DENND3: variants seen among roughly 807,000 people sequenced by gnomAD.
DENND3 encodes the protein DENN domain-containing protein 3.
In DENND3, 88 loss-of-function variants were observed where a neutral mutation model predicts 135.1. The ratio of observed to expected loss-of-function variants is 0.65; its 90% CI spans 0.55 to 0.78. The LOEUF (loss-of-function observed/expected upper bound fraction) is 0.78, where lower values mean the gene tolerates loss of function less well. Ranked by LOEUF, DENND3 falls within the 30% of genes least tolerant of loss-of-function variation. The pLI, the probability that DENND3 is intolerant of heterozygous loss-of-function variation, is 0.00. For missense variants in DENND3, 1,392 were observed against 1,688.4 expected, an observed-to-expected ratio of 0.82 and a Z score of 3.08; for synonymous variants, 693 against 712.3, an observed-to-expected ratio of 0.97 and a Z score of 0.43.
At position 141,194,113 on chromosome 8, in the gene DENND3, G is replaced by A. The variant is rs771720958; in HGVS notation, c.3717G>A (p.Val1239=). 1.2e-6 allele frequency: 2 copies of A among 1,614,004 alleles called. No individual in the cohort carries two copies. Among genetic ancestry groups the A allele is most frequent in the South Asian group, 2.2e-5 (2 of 91,004 alleles). The change falls in exon 23 of 23, where the codon GTG becomes GTA. Residue 1239 remains valine, a synonymous_variant. Coordinates refer to ENST00000519811, the MANE Select transcript of DENND3 (RefSeq NM_001352890.3). Reference sequence around the variant, plus strand: ...TGATTGACGCCGAGAGGAAGACCGTGGAGAAGGAGCTGGTGGCGCACATGG... The same window carrying A: ...TGATTGACGCCGAGAGGAAGACCGTAGAGAAGGAGCTGGTGGCGCACATGG... ...IYVIDAERKT[V]EKELVAHMDT... is the part of the protein sequence containing the mutation.
At position 141,137,918 on chromosome 8, in the gene DENND3, C is replaced by A; in HGVS notation, c.386-104C>A. 1 of 1,154,630 alleles carries A rather than the reference C, an allele frequency of 8.7e-7. No individual in the cohort carries two copies. The highest frequency in any genetic ancestry group is 1.2e-6 in the Non-Finnish European group (1 of 810,832). 71.5% of individuals were successfully genotyped at this position (1,154,630 alleles called of 1,614,324 possible). On this transcript the variant is annotated intron_variant, in intron 2 of 22. Transcript: ENST00000519811. This position sits in a 1 kb window ranked among gnomAD's most constrained non-coding sequence, Gnocchi z 4.1. ...CTTGGACATGAAGGCACCACCACTGCTAACTGTGGAGGTGTGTCCTAAACA... is the reference window on the plus strand; with the variant it reads ...CTTGGACATGAAGGCACCACCACTGATAACTGTGGAGGTGTGTCCTAAACA...
In DENND3 at chr8:141,155,902, C is replaced by A; in HGVS notation, c.1128C>A (p.Ser376=). The A allele has an allele frequency of 6.2e-7, 1 of 1,612,864 alleles. No homozygotes were observed. The highest frequency in any genetic ancestry group is 8.5e-7 in the Non-Finnish European group (1 of 1,179,310). ...INIDHGSITY[S]KSTDDNVDIP... ...TTGATCATGGGAGCATCACCTACTC[C>A]AAGTCCACGGACGATAACGTGGACA... The change falls in exon 8 of 23, where the codon TCC becomes TCA. Residue 376 remains serine, a synonymous_variant. Coordinates refer to ENST00000519811, the MANE Select transcript of DENND3 (RefSeq NM_001352890.3).
intron 18 of DENND3, among the ~76,000 whole-genome samples, chr8:141,187,504 G>A (rs539618031): frequency 3.3e-5 from 5 of 152,250 alleles, no homozygotes; most frequent in African/African-American, 1.2e-4. Flanking sequence ...GGGATTACAG[G>A]TGTGAGCCAC....
rs1232197562 is a variant in DENND3, at chr8:141,154,426, G to T, written c.1075-1423G>T. On this transcript the variant is annotated intron_variant, in intron 7 of 22. Coordinates refer to ENST00000519811, the MANE Select transcript of DENND3 (RefSeq NM_001352890.3). This position sits in a 1 kb window ranked among gnomAD's most constrained non-coding sequence, Gnocchi z 4.4. ...CTGGCTGGGGAGCTGAGCCAACACA[G>T]TGGATGTTGGAGGTTGGTGGTGCCC... Among the ~76,000 whole-genome samples, 1 of 152,214 alleles carries T rather than the reference G, an allele frequency of 6.6e-6. No individual in the cohort carries two copies. The highest frequency in any genetic ancestry group is 1.5e-5 in the Non-Finnish European group (1 of 68,042).
chr8:141,163,565 G>C (rs139608096), intron 10 of DENND3, 136 bp downstream of exon 10: 265 of 527,344 alleles, frequency 5.0e-4, no homozygotes, highest in African/African-American at 4.3e-3. Context: ...GGTTCCTTTT[G>C]ACCATGTGGC....
At chr8:141,173,064 G>GCGGA (rs1821853909) in intron 13 of DENND3, among the ~76,000 whole-genome samples, 1 of 69,472 alleles carries the variant, frequency 1.4e-5, no homozygotes. Context: ...GGCTGCATTG[G>GCGGA]GTGCTATTTC....
Position 141,136,552 on chromosome 8 carries a change from A to G in DENND3, c.146A>G (p.Asp49Gly). The G allele has an allele frequency of 3.2e-6, 5 of 1,557,830 alleles. No individual in the cohort carries two copies. Among genetic ancestry groups the G allele is most frequent in the Non-Finnish European group, 4.3e-6 (5 of 1,150,582 alleles). The change falls in exon 2 of 23, where the codon GAT (aspartate) becomes GGT (glycine). Residue 49 changes from aspartate (D) to glycine (G), a missense_variant. By Grantham distance (94) the Asp-to-Gly change is moderately conservative (BLOSUM62 -1). Transcript: ENST00000519811. ...GTCAAACATCTTTCTGCTCTTCTTG[A>G]TCCAGAGGTCCTGTCCATTTTCGTG... ...KGVKHLSALL[D>G]PEVLSIFVPP... is the part of the protein sequence containing the mutation.
chr8:141,170,054 T>C (rs1821325271), intron 13 of DENND3, among the ~76,000 whole-genome samples: 1 of 152,226 alleles, frequency 6.6e-6, no homozygotes, highest in Non-Finnish European at 1.5e-5. Context: ...CATTCCTCAG[T>C]CTCGACTCTC....
In DENND3 at chr8:141,194,055, TG is replaced by T; in HGVS notation, c.3663del (p.Gln1222ArgfsTer10). ...CAGGTCTGGGTGGGCAGCCGAGGGC[TG>T]GGGCAGGGAACACCCAAGGGGAAAA... ...KKQVWVGSRG[L>X]GQGTPKGKIY... is the part of the protein sequence containing the mutation. On this transcript the variant is annotated frameshift_variant, in exon 23 of 23. Coordinates refer to ENST00000519811, the MANE Select transcript of DENND3 (RefSeq NM_001352890.3). LOFTEE classifies it high-confidence loss of function. The T allele has an allele frequency of 6.2e-7, 1 of 1,613,662 alleles. No homozygotes were observed. Among genetic ancestry groups the T allele is most frequent in the Non-Finnish European group, 8.5e-7 (1 of 1,179,988 alleles).
intron 7 of DENND3, among the ~76,000 whole-genome samples, chr8:141,153,228 G>A (rs1291532739): frequency 1.3e-5 from 2 of 151,576 alleles, no homozygotes; most frequent in Admixed American, 6.6e-5. Context: ...CGAGTAGCTG[G>A]GACTACAGGC....
Position 141,194,277 on chromosome 8 carries a change from G to C in DENND3, c.*44G>C. The C allele has an allele frequency of 6.3e-7, 1 of 1,591,024 alleles. No individual in the cohort carries two copies. Among genetic ancestry groups the C allele is most frequent in the Non-Finnish European group, 8.5e-7 (1 of 1,169,812 alleles). ...AGTGGAACTGTGCCCTATGTGTGGG[G>C]ACTGGCTGCCCCCTAGAGCCTGCCA... On this transcript the variant is annotated 3_prime_UTR_variant, in exon 23 of 23. Coordinates refer to ENST00000519811, the MANE Select transcript of DENND3 (RefSeq NM_001352890.3).
chr8:141,157,317 G>A (rs1819562712), intron 8 of DENND3: 4 of 985,360 alleles, frequency 4.1e-6, no homozygotes, highest in Non-Finnish European at 4.8e-6. Context: ...GGTGTTGGGT[G>A]TGCCCCAAGC....
Position 141,137,955 on chromosome 8 carries a change from T to A in DENND3, c.386-67T>A. On this transcript the variant is annotated intron_variant, in intron 2 of 22. Transcript: ENST00000519811. This position sits in a 1 kb window ranked among gnomAD's most constrained non-coding sequence, Gnocchi z 4.1. ...GTGTGTCCTAAACACTGTGAAGAAA[T>A]CAGCTCGTGGGTAACCCAGGCCACT... The A allele has an allele frequency of 1.0e-5, 15 of 1,507,124 alleles. No homozygotes were observed. The highest frequency in any genetic ancestry group is 1.4e-5 in the Non-Finnish European group (15 of 1,109,396). 93.4% of individuals were successfully genotyped at this position (1,507,124 alleles called of 1,614,324 possible). A position where few individuals can be genotyped will look rare whatever the true frequency, so the allele number is the denominator to read the frequency against.
chr8:141,180,975 AG>A (rs1823021373), intron 17 of DENND3, 121 bp downstream of exon 17: 4 of 761,624 alleles, frequency 5.3e-6, no homozygotes, highest in Non-Finnish European at 8.2e-6. Context: ...AGTGGGGACA[AG>A]GTGCCTGTTG....
rs566874653 is a variant in DENND3 at position 141,167,282 on chromosome 8, G to T, written c.1754-722G>T. 6.6e-6 allele frequency among the ~76,000 whole-genome samples: 1 copy of T among 152,264 alleles called. No homozygotes were observed. Among genetic ancestry groups the T allele is most frequent in the Non-Finnish European group, 1.5e-5 (1 of 68,022 alleles). On this transcript the variant is annotated intron_variant, in intron 12 of 22. Transcript: ENST00000519811. The surrounding 1 kb of genome is among the most constrained non-coding windows in gnomAD (Gnocchi z 4.1). The stretch of plus-strand genomic sequence containing the variant: ...TCTGCAGTTCCTCTTCTGAACATCT[G>T]TCAGTCTGCCGCTGGCAGGTGCCCT...
At chr8:141,183,663 T>C (rs899606943) in intron 17 of DENND3, among the ~76,000 whole-genome samples, 2 of 151,108 alleles carry the variant, frequency 1.3e-5, no homozygotes, top group Non-Finnish European at 2.9e-5. Context: ...GAGCGCCCTC[T>C]GGCAGGCTCA....
Position 141,138,104 on chromosome 8 carries a change from T to C in DENND3, c.468T>C (p.Tyr156=), listed in dbSNP as rs1478319906. The C allele has an allele frequency of 5.6e-6, 9 of 1,609,362 alleles. No homozygotes were observed. Among genetic ancestry groups the C allele is most frequent in the Middle Eastern group, 1.6e-4 (1 of 6,072 alleles). The change falls in exon 3 of 23, where the codon TAT becomes TAC. Residue 156 remains tyrosine (Y), a synonymous_variant. Coordinates refer to ENST00000519811, the MANE Select transcript of DENND3 (RefSeq NM_001352890.3). The surrounding 1 kb of genome is among the most constrained non-coding windows in gnomAD (Gnocchi z 4.8). ...CCGATGTCTGCGGGAATAGGACCTA[T>C]GGCGTGGTGGCCCAGTACTACCGGC... ...VLTDVCGNRT[Y]GVVAQYYRPL...
rs968186329 is a variant in DENND3 at position 141,141,371 on chromosome 8, G to T, written c.623+47G>T. The T allele has an allele frequency of 1.9e-6, 3 of 1,605,580 alleles. No individual in the cohort carries two copies. Among genetic ancestry groups the T allele is most frequent in the Non-Finnish European group, 1.7e-6 (2 of 1,176,860 alleles). ...CAGGGGTGGTAGGGGGCAGCTCTTT[G>T]TGCCTCTCCAGGTGAGCCAAGGGAC... On this transcript the variant is annotated intron_variant, in intron 4 of 22. Transcript: ENST00000519811. The surrounding 1 kb of genome is among the most constrained non-coding windows in gnomAD (Gnocchi z 5.3).
At chr8:141,153,947 T>C (rs1485733965) in intron 7 of DENND3, among the ~76,000 whole-genome samples, 1 of 152,086 alleles carries the variant, frequency 6.6e-6, no homozygotes, top group South Asian at 2.1e-4. Context: ...TTTGGGTGTT[T>C]TGTTTTTGTG....
Sources: gnomAD v4.1 joint callset for allele counts (sites outside exome capture counted in the v4.1 genomes callset) on GRCh38, gnomAD v4.1.1 for gene constraint, Gnocchi (gnomAD v3.1) non-coding constraint, MANE v1.5 for transcripts, NCBI Gene and HGNC (gene_info 2026-07-23, HGNC 2026-07-21) for gene names.